MGST2: variants seen among roughly 807,000 people sequenced by gnomAD.
MGST2 encodes glutathione peroxidase MGST2.
A neutral mutation model predicts 16.6 loss-of-function variants in MGST2; 9 were observed. That is an observed-to-expected ratio of 0.54 (90% CI 0.33 to 0.95). The LOEUF is 0.95. Ranked by LOEUF, MGST2 falls within the 40% of genes least tolerant of loss-of-function variation. The probability of loss-of-function intolerance (pLI) is 0.03; values close to 1 mark genes in which losing one functional copy is unlikely to be tolerated. For synonymous variants in MGST2, 79 were observed against 68.0 expected (o/e 1.16, Z -0.79); for missense variants, 159 against 175.1 (o/e 0.91, Z 0.52).
intron 5 of MGST2, among the ~76,000 whole-genome samples, chr4:139,721,601 T>C (rs1728237137): frequency 6.6e-6 from 1 of 152,198 alleles, no homozygotes; most frequent in Non-Finnish European, 1.5e-5. Flanking sequence ...GCTGCAAATA[T>C]GTCTCCATAG....
intron 3 of MGST2, among the ~76,000 whole-genome samples, chr4:139,697,934 C>T (rs8192110): frequency 0.099 from 14,998 of 151,746 alleles, 1,025 homozygotes; most frequent in Non-Finnish European, 0.15. Flanking sequence ...TTTACGTCTC[C>T]GCATTTATAT....
downstream of MGST2, among the ~76,000 whole-genome samples, chr4:139,742,865 T>C (rs1208472591): frequency 6.6e-6 from 1 of 152,208 alleles, no homozygotes; most frequent in Admixed American, 6.5e-5. Context: ...CCTTCAAAGA[T>C]GGAGGTTATG....
chr4:139,749,891 C>T, the MGST2 span, among the ~76,000 whole-genome samples: 4 of 132,146 alleles, frequency 3.0e-5, no homozygotes, highest in African/African-American at 9.0e-5. Flanking sequence ...AAGAACCCCC[C>T]CCCACCCTAT....
chr4:139,747,297 C>G, the MGST2 span, among the ~76,000 whole-genome samples: 1 of 152,134 alleles, frequency 6.6e-6, no homozygotes, highest in Non-Finnish European at 1.5e-5. Context: ...GTGCAGAGCG[C>G]GGGCAACTTT....
intron 5 of MGST2, chr4:139,731,435 T>TTAAAA (rs1491282159): frequency 5.2e-5 from 2 of 38,718 alleles, no homozygotes; most frequent in African/African-American, 1.6e-4. Context: ...CTGTCTCTAC[T>TTAAAA]AAAAAAAAAA....
intron 2 of MGST2, among the ~76,000 whole-genome samples, chr4:139,692,856 A>G (rs1367945698): frequency 6.6e-6 from 1 of 152,196 alleles, no homozygotes; most frequent in East Asian, 1.9e-4. Context: ...TGCAGTTTGG[A>G]CTTAGGACAT....
At chr4:139,739,610 C>T (rs1436055051) in intron 5 of MGST2, among the ~76,000 whole-genome samples, 2 of 150,698 alleles carry the variant, frequency 1.3e-5, no homozygotes, top group Non-Finnish European at 2.9e-5. Context: ...AATCATGCCT[C>T]CTTAGACTAT....
At chr4:139,682,997 G>A (rs1006239594) in intron 2 of MGST2, among the ~76,000 whole-genome samples, 5 of 152,226 alleles carry the variant, frequency 3.3e-5, no homozygotes, top group Non-Finnish European at 5.9e-5. Context: ...CACAAGGTTC[G>A]AACTTCCTGT....
chr4:139,747,825 G>T, the MGST2 span, among the ~76,000 whole-genome samples: 6 of 151,976 alleles, frequency 3.9e-5, no homozygotes, highest in African/African-American at 1.4e-4. Context: ...AAGCCAAGGT[G>T]GGCGGATCAC....
At chr4:139,740,038 C>T (rs1424337994) in intron 5 of MGST2, among the ~76,000 whole-genome samples, 2 of 152,152 alleles carry the variant, frequency 1.3e-5, no homozygotes, top group Non-Finnish European at 2.9e-5. Flanking sequence ...ATGGCTTCCA[C>T]AACTGGGCTT....
rs886068804 is a variant in MGST2, at chr4:139,730,906, G to A, written c.*49-9306G>A. ...ATGGCTCTGGGAAGTCCAAGGCCAA[G>A]TCCAGTCTGTTTCGGATGGGACTGA... On this transcript the variant is annotated intron_variant, in intron 5 of 5. Transcript: ENST00000616265. The A allele has an allele frequency of 2.5e-5, 14 of 570,888 alleles. No individual in the cohort carries two copies. The South Asian group carries it at 3.1e-4, about 13-fold the overall frequency. 35.4% of individuals were successfully genotyped at this position (570,888 alleles called of 1,614,324 possible).
At chr4:139,693,945 T>C (rs1199847030) in intron 2 of MGST2, among the ~76,000 whole-genome samples, 1 of 152,202 alleles carries the variant, frequency 6.6e-6, no homozygotes, top group African/African-American at 2.4e-5. Flanking sequence ...GGGGTTAAAA[T>C]TTTCCATACG....
At chr4:139,698,152 G>C in intron 3 of MGST2, 1 of 1,539,998 alleles carries the variant, frequency 6.5e-7, no homozygotes. Context: ...TCTTAAGCAC[G>C]TTCTCCACGT....
rs141785811 is a variant in MGST2 at position 139,677,656 on chromosome 4, C to T, written c.59-887C>T. ...AGCTGGGATTACAGGCATGCACCAC[C>T]ACGTCCAGCAAATTTTTTGTATTTT... On this transcript the variant is annotated intron_variant, in intron 1 of 4. Coordinates refer to ENST00000265498, the MANE Select transcript of MGST2 (RefSeq NM_002413.5). Among the ~76,000 whole-genome samples the T allele has an allele frequency of 2.6e-5, 4 of 152,184 alleles. No individual in the cohort carries two copies. In the East Asian group the frequency reaches 7.7e-4, roughly 29 times the overall value.
chr4:139,748,763 A>AGTAACT, the MGST2 span, among the ~76,000 whole-genome samples: 82,680 of 151,398 alleles, frequency 0.55, 23,438 homozygotes, highest in East Asian at 0.76. Flanking sequence ...AGCAATTTCA[A>AGTAACT]GCTCCGAGGT....
intron 2 of MGST2, among the ~76,000 whole-genome samples, chr4:139,693,144 G>A (rs188328872): frequency 1.1e-4 from 17 of 152,182 alleles, no homozygotes; most frequent in Admixed American, 5.9e-4. Flanking sequence ...TGGGCTGGGC[G>A]CGGTGGCTCA....
intron 2 of MGST2, among the ~76,000 whole-genome samples, chr4:139,680,538 T>C (rs1731188892): frequency 6.6e-6 from 1 of 152,214 alleles, no homozygotes; most frequent in Non-Finnish European, 1.5e-5. Context: ...TGGGACTTCC[T>C]GTCACCATCC....
At chr4:139,672,937 G>A (rs1338766993) in intron 1 of MGST2, among the ~76,000 whole-genome samples, 1 of 152,042 alleles carries the variant, frequency 6.6e-6, no homozygotes, top group Non-Finnish European at 1.5e-5. Flanking sequence ...ATTAGTGGAA[G>A]GGAAGAGCCT....
chr4:139,717,988 T>C (rs1434783661), intron 5 of MGST2: 1 of 152,212 alleles, frequency 6.6e-6, no homozygotes, highest in African/African-American at 2.4e-5. Context: ...CTATCCAAAT[T>C]TGTAAGGTGG....
Sources: gnomAD v4.1 joint callset for allele counts (sites outside exome capture counted in the v4.1 genomes callset) on GRCh38, gnomAD v4.1.1 for gene constraint, MANE v1.5 for transcripts, NCBI Gene and HGNC (gene_info 2026-07-23, HGNC 2026-07-21) for gene names.